RAD54L2: variants seen among roughly 807,000 people sequenced by gnomAD.
RAD54L2 encodes the protein helicase ARIP4.
A neutral mutation model predicts 138.4 loss-of-function variants in RAD54L2; 27 were observed. That is an observed-to-expected ratio of 0.20 (90% confidence interval 0.14 to 0.27). RAD54L2 has a LOEUF of 0.27. Ranked by LOEUF, RAD54L2 falls within the 10% of genes least tolerant of loss-of-function variation. The probability of loss-of-function intolerance (pLI) is 1.00; values close to 1 mark genes in which losing one functional copy is unlikely to be tolerated. For missense variants in RAD54L2, 1,396 were observed against 1,890.2 expected (o/e 0.74, Z 4.85); for synonymous variants, 644 against 723.2 (o/e 0.89, Z 1.76).
intron 19 of RAD54L2, among the ~76,000 whole-genome samples, chr3:51,648,020 T>C (rs1701329587): frequency 6.6e-6 from 1 of 151,892 alleles, no homozygotes; most frequent in Non-Finnish European, 1.5e-5. Flanking sequence ...GCTCAAGGGG[T>C]CTGGGGATTT....
intron 14 of RAD54L2, among the ~76,000 whole-genome samples, chr3:51,640,577 AG>A (rs1392301578): frequency 2.0e-5 from 3 of 152,238 alleles, no homozygotes; most frequent in Non-Finnish European, 2.9e-5. Context: ...TTATGCTCCA[AG>A]AAGAGCCAAG....
At chr3:51,568,905 A>G (rs1307909466) in intron 2 of RAD54L2, among the ~76,000 whole-genome samples, 1 of 152,162 alleles carries the variant, frequency 6.6e-6, no homozygotes, top group African/African-American at 2.4e-5. Context: ...AATGCATTTC[A>G]GAGGATATGA....
At chr3:51,628,298 T>TA (rs879615276) in intron 4 of RAD54L2, among the ~76,000 whole-genome samples, 77 of 147,382 alleles carry the variant, frequency 5.2e-4, no homozygotes, top group African/African-American at 1.6e-3. Context: ...TGCCTCCACT[T>TA]AAAAAAAAAA....
chr3:51,566,560 G>T (rs996947619), intron 2 of RAD54L2, among the ~76,000 whole-genome samples: 1 of 136,348 alleles, frequency 7.3e-6, no homozygotes, highest in Non-Finnish European at 1.5e-5. Context: ...GCTCACTGCA[G>T]CCTCGAACTC....
At chr3:51,624,884 C>T (rs1010155041) in intron 3 of RAD54L2, among the ~76,000 whole-genome samples, 2 of 152,146 alleles carry the variant, frequency 1.3e-5, no homozygotes, top group Admixed American at 1.3e-4. Context: ...CATGGATACT[C>T]ACAATTCCCT....
chr3:51,590,525 G>A lies in RAD54L2; in HGVS notation c.105G>A (p.Glu35=). The change falls in exon 3 of 23, where the codon GAG becomes GAA. Residue 35 remains glutamate, a synonymous_variant. Transcript: ENST00000684192. The part of the protein sequence containing the change: ...EEEEEEVAVE[E]CDRDDEEDLL... Reference sequence around the variant, plus strand: ...AGGAGGAGGAGGTGGCAGTGGAGGAGTGTGACAGGGATGATGAAGAAGACC... The same window carrying A: ...AGGAGGAGGAGGTGGCAGTGGAGGAATGTGACAGGGATGATGAAGAAGACC... 1 of 1,552,486 alleles carries A rather than the reference G, an allele frequency of 6.4e-7. No homozygotes were observed. Among genetic ancestry groups the A allele is most frequent in the Non-Finnish European group, 8.7e-7 (1 of 1,147,194 alleles).
intron 3 of RAD54L2, among the ~76,000 whole-genome samples, chr3:51,610,609 A>G (rs1700306502): frequency 6.6e-6 from 1 of 150,828 alleles, no homozygotes; most frequent in African/African-American, 2.4e-5. Flanking sequence ...ACTGCACTCC[A>G]GCCTGGGTGA....
chr3:51,590,678 A>G, intron 3 of RAD54L2, 119 bp downstream of exon 3: 1 of 1,360,808 alleles, frequency 7.3e-7, no homozygotes, highest in Non-Finnish European at 1.0e-6. Flanking sequence ...GGGAAGATAC[A>G]GACTAGGAAC....
At chr3:51,624,361 T>G (rs1425561224) in intron 3 of RAD54L2, among the ~76,000 whole-genome samples, 1 of 151,964 alleles carries the variant, frequency 6.6e-6, no homozygotes, top group Non-Finnish European at 1.5e-5. Flanking sequence ...CTTAGCCTCT[T>G]GAGTAGCTGG....
intron 3 of RAD54L2, among the ~76,000 whole-genome samples, chr3:51,593,569 T>C (rs1699887227): frequency 6.6e-6 from 1 of 152,142 alleles, no homozygotes; most frequent in South Asian, 2.1e-4. Flanking sequence ...CCTGACGTCG[T>C]GATCCGTCCG....
At chr3:51,592,054 G>GTTTTTTTTT (rs71084151) in intron 3 of RAD54L2, among the ~76,000 whole-genome samples, 7 of 66,872 alleles carry the variant, frequency 1.0e-4, no homozygotes, top group Admixed American at 7.9e-4. Context: ...TGGTTTTGGT[G>GTTTTTTTTT]TTTTTTTTTT....
At chr3:51,553,859 A>G (rs1698901929) in intron 2 of RAD54L2, among the ~76,000 whole-genome samples, 1 of 152,202 alleles carries the variant, frequency 6.6e-6, no homozygotes, top group African/African-American at 2.4e-5. Context: ...TGTTTGCACC[A>G]TACTATAGTC....
chr3:51,568,812 A>C lies in RAD54L2; in HGVS notation c.-54-21555A>C, dbSNP rs545841923. 7.2e-5 allele frequency among the ~76,000 whole-genome samples: 11 copies of C among 152,302 alleles called. No individual in the cohort carries two copies. The South Asian group carries it at 2.3e-3, about 32-fold the overall frequency. On this transcript the variant is annotated intron_variant, in intron 2 of 22. Coordinates refer to ENST00000684192, the MANE Select transcript of RAD54L2 (RefSeq NM_015106.4). ...ATTTCCTGGTGGGGAATGTAGTGCTATCTTTCATTTTTGTATTAGGGATAT... is the reference window on the plus strand; with the variant it reads ...ATTTCCTGGTGGGGAATGTAGTGCTCTCTTTCATTTTTGTATTAGGGATAT...
chr3:51,662,677 G>C lies in RAD54L2; in HGVS notation c.3661G>C (p.Gly1221Arg). Residue 1221 changes from glycine (G) to arginine (R), a missense_variant, in exon 23 of 23, where the codon GGA becomes CGA. Around this residue, in one of 7 missense-constraint regions of RAD54L2, gnomAD observed 634 missense variants for 711.2 expected, o/e 0.89. Coordinates refer to ENST00000684192, the MANE Select transcript of RAD54L2 (RefSeq NM_015106.4). The surrounding 1 kb of genome is among the most constrained non-coding windows in gnomAD (Gnocchi z 4.6). ...CAGTGCTGTTCCCGGGACAGCTCTC[G>C]GAACTGAGCCTCGACTAGGGGGTCA... ...DSSAVPGTAL[G>R]TEPRLGGHCL... The C allele has an allele frequency of 1.2e-6, 2 of 1,613,762 alleles. No homozygotes were observed. The highest frequency in any genetic ancestry group is 1.7e-6 in the Non-Finnish European group (2 of 1,179,834).
chr3:51,579,161 C>CTT (rs771455214), intron 2 of RAD54L2, among the ~76,000 whole-genome samples: 148 of 131,632 alleles, frequency 1.1e-3, no homozygotes, highest in African/African-American at 2.9e-3. Flanking sequence ...TGAGCCTGGG[C>CTT]TTTTTTTTTT....
intron 2 of RAD54L2, among the ~76,000 whole-genome samples, chr3:51,544,714 C>G (rs1698641534): frequency 6.6e-6 from 1 of 152,148 alleles, no homozygotes; most frequent in Non-Finnish European, 1.5e-5. Flanking sequence ...TCAAGCTATT[C>G]TCCTGCCTCA....
chr3:51,624,072 G>A (rs1700625436), intron 3 of RAD54L2, among the ~76,000 whole-genome samples: 1 of 151,750 alleles, frequency 6.6e-6, no homozygotes, highest in African/African-American at 2.4e-5. Context: ...TATTATAAGG[G>A]AGAAAGGAGG....
rs781819728 is a variant in RAD54L2 at position 51,545,931 on chromosome 3, C to CTTTT, written c.-55+4302_-55+4305dup. On this transcript the variant is annotated intron_variant, in intron 2 of 22. Coordinates refer to ENST00000684192, the MANE Select transcript of RAD54L2 (RefSeq NM_015106.4). ...AAGGTTATCAAAGCCTACATCAATT[C>CTTTT]TTTTTTTTTTTTTTTTTTTTTTTTG... is the stretch of plus-strand genomic sequence containing the variant. Among the ~76,000 whole-genome samples, 293 of 79,452 alleles carry CTTTT rather than the reference C, an allele frequency of 3.7e-3. 6 individuals carry two copies. The highest frequency in any genetic ancestry group is 0.013 in the African/African-American group (253 of 19,584). 52.1% of individuals were successfully genotyped at this position (79,452 alleles called of 152,430 possible).
At chr3:51,578,918 C>T (rs190389387) in intron 2 of RAD54L2, among the ~76,000 whole-genome samples, 95 of 152,186 alleles carry the variant, frequency 6.2e-4, no homozygotes, top group Non-Finnish European at 1.1e-3. Flanking sequence ...GTCACACGAA[C>T]GAATTGAAGG....
Sources: allele counts gnomAD v4.1 joint callset (sites outside exome capture counted in the v4.1 genomes callset), GRCh38; gene constraint gnomAD v4.1.1; regional missense constraint gnomAD v4.1.1; non-coding constraint Gnocchi (gnomAD v3.1); transcripts MANE v1.5; gene names NCBI Gene and HGNC (gene_info 2026-07-23, HGNC 2026-07-21).